The following BRWD1 variants were observed in gnomAD, a reference collection of about 807,000 sequenced individuals.
BRWD1 encodes bromodomain and WD repeat-containing protein 1.
Under a neutral mutation model 251.2 loss-of-function variants are expected in BRWD1, and 82 were observed. That is an observed-to-expected ratio of 0.33 (90% CI 0.27 to 0.39). BRWD1 has a LOEUF of 0.39. Among genes scored for constraint, BRWD1 ranks in the 10% least tolerant of loss-of-function variants. The pLI, the probability that BRWD1 is intolerant of heterozygous loss-of-function variation, is 1.00. For synonymous variants in BRWD1, 918 were observed against 902.8 expected, an observed-to-expected ratio of 1.02 and a Z score of -0.30; for missense variants, 2,233 against 2,711.6, an observed-to-expected ratio of 0.82 and a Z score of 3.92.
intron 15 of BRWD1, 102 bp from the exon 16 acceptor site, chr21:39,265,121 GA>G (rs879111779): frequency 0.12 from 92,987 of 798,370 alleles, 3 homozygotes; most frequent in South Asian, 0.14. Context: ...TATCCCTTCT[GA>G]AAAAAAAAAA....
intron 4 of BRWD1, among the ~76,000 whole-genome samples, chr21:39,307,705 A>T (rs1482532237): frequency 6.6e-6 from 1 of 152,198 alleles, no homozygotes; most frequent in East Asian, 1.9e-4. Flanking sequence ...TCTTAGGCTG[A>T]GCCTTTTTTA....
rs1280330740 is a variant in BRWD1, at chr21:39,295,618, C to T, written c.609+125G>A. 6.0e-6 allele frequency: 4 copies of T among 662,980 alleles called. No individual in the cohort carries two copies. The Admixed American group carries it at 1.4e-4, about 23-fold the overall frequency. The allele number at this position is 662,980 out of a possible 1,614,324, so 41.1% of individuals were successfully genotyped here. ...ATTAAAAATACAAATTCGTGAGACC[C>T]ACACCATACCTACTGAGTCAAAATC... On this transcript the variant is annotated intron_variant, in intron 7 of 40. Transcript: ENST00000342449.
At chr21:39,224,937 G>A (rs2033321557) in intron 28 of BRWD1, 149 bp downstream of exon 28, 9 of 613,818 alleles carry the variant, frequency 1.5e-5, no homozygotes, top group East Asian at 2.8e-5. Context: ...AAGAGTAGGT[G>A]CATGTCTGAG....
chr21:39,311,613 G>A (rs887301668), intron 4 of BRWD1, among the ~76,000 whole-genome samples: 7 of 152,028 alleles, frequency 4.6e-5, no homozygotes, highest in South Asian at 2.1e-4. Flanking sequence ...ACTAAAAGAG[G>A]GCATCCTTTA....
intron 4 of BRWD1, among the ~76,000 whole-genome samples, chr21:39,309,400 G>C (rs2146802730): frequency 6.6e-6 from 1 of 152,148 alleles, no homozygotes; most frequent in South Asian, 2.1e-4. Flanking sequence ...GGAGGCTTCA[G>C]TGAGCTGTGA....
At chr21:39,264,707 G>T (rs1286295391) in intron 16 of BRWD1, 22 bp from the exon 17 acceptor site, 9 of 1,557,490 alleles carry the variant, frequency 5.8e-6, no homozygotes, top group South Asian at 2.3e-5. Context: ...AAGTTCACAG[G>T]ATGACATTTT....
chr21:39,200,080 C>A (rs766043939), intron 39 of BRWD1, 139 bp downstream of exon 39: 11 of 872,296 alleles, frequency 1.3e-5, no homozygotes, highest in Non-Finnish European at 1.8e-5. Flanking sequence ...TGCCAAAATT[C>A]ATTTCCTTCC....
chr21:39,199,611 A>T lies in BRWD1; in HGVS notation c.4805T>A (p.Val1602Asp). 1 of 1,613,014 alleles carries T rather than the reference A, an allele frequency of 6.2e-7. No homozygotes were observed. Among genetic ancestry groups the T allele is most frequent in the South Asian group, 1.1e-5 (1 of 90,762 alleles). The change falls in exon 40 of 41, where the codon GTC becomes GAC. Residue 1602 changes from valine to aspartate, a missense_variant. Val to Asp is a radical substitution (Grantham distance 152). Around this residue, in one of 12 missense-constraint regions of BRWD1, gnomAD observed 928 missense variants for 970.0 expected, o/e 0.96. Transcript: ENST00000342449. ...GCGRKATRKR[V>D]YLSDSDNNSL... ...ATTGTTATCAGAATCACTTAAATAGACTCTCTTTCGAGTGGCTTTTCTGCC... is the reference window on the plus strand; with the variant it reads ...ATTGTTATCAGAATCACTTAAATAGTCTCTCTTTCGAGTGGCTTTTCTGCC...
chr21:39,195,978 G>C lies in BRWD1; in HGVS notation c.*281C>G. The C allele has an allele frequency of 1.9e-5, 21 of 1,090,518 alleles. No homozygotes were observed. Among genetic ancestry groups the C allele is most frequent in the Non-Finnish European group, 2.2e-5 (20 of 898,798 alleles). 67.6% of individuals were successfully genotyped at this position (1,090,518 alleles called of 1,614,324 possible). A position where few individuals can be genotyped will look rare whatever the true frequency, so the allele number is the denominator to read the frequency against. On this transcript the variant is annotated 3_prime_UTR_variant, in exon 41 of 41. Coordinates refer to ENST00000342449, the MANE Select transcript of BRWD1 (RefSeq NM_033656.4). ...TTGGTTTTGATAACCAGGATGTCTA[G>C]TGTTTAACATATTTCAAACTCTTGC...
chr21:39,278,844 AG>A, intron 9 of BRWD1, 31 bp from the exon 10 acceptor site: 3 of 1,506,680 alleles, frequency 2.0e-6, no homozygotes, highest in Non-Finnish European at 2.7e-6. Context: ...GCTTTAAAAT[AG>A]ATTATTTTAC....
chr21:39,216,592 A>G, intron 31 of BRWD1: 1 of 241,444 alleles, frequency 4.1e-6, no homozygotes, highest in South Asian at 6.3e-5. Flanking sequence ...CAGAGCAGAA[A>G]GGAAACTCAT....
At position 39,193,839 on chromosome 21, in the gene BRWD1, A is replaced by G. The variant is rs1005526970; in HGVS notation, c.*2420T>C. The G allele has an allele frequency of 4.4e-5, 43 of 985,122 alleles. No individual in the cohort carries two copies. The highest frequency in any genetic ancestry group is 5.2e-5 in the Non-Finnish European group (43 of 829,400). 61.0% of individuals were successfully genotyped at this position (985,122 alleles called of 1,614,324 possible). On this transcript the variant is annotated 3_prime_UTR_variant, in exon 41 of 41. Transcript: ENST00000342449. ...AGTGCTCAATGTAAACATTTTAACTATTAATGATTTATTAATTTTCCTTAA... is the reference window on the plus strand; with the variant it reads ...AGTGCTCAATGTAAACATTTTAACTGTTAATGATTTATTAATTTTCCTTAA...
chr21:39,257,155 A>G (rs2034585780), intron 18 of BRWD1, among the ~76,000 whole-genome samples: 1 of 151,640 alleles, frequency 6.6e-6, no homozygotes, highest in Non-Finnish European at 1.5e-5. Flanking sequence ...CCATAAAGAG[A>G]TTAGAAAGGT....
Position 39,188,670 on chromosome 21 carries a change from A to G in BRWD1, c.*7589T>C. On this transcript the variant is annotated 3_prime_UTR_variant, in exon 41 of 41. Transcript: ENST00000342449. The stretch of plus-strand genomic sequence containing the variant: ...GGCAGGCCTCTGCCCTCACAGTGCA[A>G]GCACTTCAGATTTTTCCCTAAGTCT... 1.0e-6 allele frequency: 1 copy of G among 985,426 alleles called. No homozygotes were observed. The highest frequency in any genetic ancestry group is 1.7e-5 in the African/African-American group (1 of 57,362). The allele number at this position is 985,426 out of a possible 1,614,324, so 61.0% of individuals were successfully genotyped here.
chr21:39,203,417 C>T (rs907015934), intron 37 of BRWD1, among the ~76,000 whole-genome samples: 4 of 143,422 alleles, frequency 2.8e-5, no homozygotes, highest in Non-Finnish European at 6.1e-5. Context: ...CCAGCCTGGG[C>T]AACAGAGCAA....
At chr21:39,312,328 G>T (rs563697761) in intron 4 of BRWD1, among the ~76,000 whole-genome samples, 2 of 152,346 alleles carry the variant, frequency 1.3e-5, no homozygotes, top group South Asian at 2.1e-4. Context: ...TCATACAGCT[G>T]CAAGATTTTT....
chr21:39,290,947 C>T (rs1243911136), intron 8 of BRWD1, among the ~76,000 whole-genome samples: 1 of 152,108 alleles, frequency 6.6e-6, no homozygotes, highest in African/African-American at 2.4e-5. Context: ...GCCTGGACAA[C>T]ATGGCTAGAT....
chr21:39,220,029 C>T (rs1334845739), intron 29 of BRWD1, among the ~76,000 whole-genome samples: 1 of 144,738 alleles, frequency 6.9e-6, no homozygotes, highest in East Asian at 2.2e-4. Context: ...ACATAAAGTG[C>T]TTTAAAAAAC....
chr21:39,313,052 G>C lies in BRWD1; in HGVS notation c.138+20C>G. On this transcript the variant is annotated intron_variant, in intron 3 of 40. Coordinates refer to ENST00000342449, the MANE Select transcript of BRWD1 (RefSeq NM_033656.4). ...CGGCAGGAGGAACCCGAGGGAGCGC[G>C]GGGACGGGCGCGCACAGACCTGGTA... The C allele has an allele frequency of 7.2e-7, 1 of 1,389,786 alleles. No individual in the cohort carries two copies. The highest frequency in any genetic ancestry group is 9.4e-7 in the Non-Finnish European group (1 of 1,068,412). The allele number at this position is 1,389,786 out of a possible 1,614,324, so 86.1% of individuals were successfully genotyped here.
Sources: gnomAD v4.1 joint callset for allele counts (sites outside exome capture counted in the v4.1 genomes callset) on GRCh38, gnomAD v4.1.1 for gene constraint, gnomAD v4.1.1 regional missense constraint, MANE v1.5 for transcripts, NCBI Gene and HGNC (gene_info 2026-07-23, HGNC 2026-07-21) for gene names.